The following TSGA10 variants were observed in gnomAD, a reference collection of about 807,000 sequenced individuals.
The protein encoded by TSGA10 is testis-specific gene 10 protein.
In TSGA10, 43 loss-of-function variants were observed where a neutral mutation model predicts 96.6. The observed-to-expected ratio is 0.44, with a 90% CI of 0.35 to 0.57. The LOEUF is 0.57. Ranked by LOEUF, TSGA10 falls within the 20% of genes least tolerant of loss-of-function variation. TSGA10 has a pLI of 0.01. For synonymous variants in TSGA10, 229 were observed against 269.9 expected, an observed-to-expected ratio of 0.85 and a Z score of 1.48; for missense variants, 703 against 834.4, an observed-to-expected ratio of 0.84 and a Z score of 1.94.
At chr2:99,150,839 ATTTGT>A (rs2093686625) in intron 1 of TSGA10, 5 of 1,557,598 alleles carry the variant, frequency 3.2e-6, no homozygotes, top group Non-Finnish European at 4.3e-6. Context: ...GAATGAAGCA[ATTTGT>A]ACGTATTACC....
At chr2:99,108,689 G>T (rs2091557394) in intron 7 of TSGA10, 144 bp downstream of exon 7, 1 of 570,572 alleles carries the variant, frequency 1.8e-6, no homozygotes, top group Non-Finnish European at 2.8e-6. Flanking sequence ...ATTTCATTAA[G>T]AATATCTTAA....
At chr2:99,002,694 T>C (rs186004487) in intron 20 of TSGA10, among the ~76,000 whole-genome samples, 12 of 152,066 alleles carry the variant, frequency 7.9e-5, no homozygotes, top group Admixed American at 3.3e-4. Flanking sequence ...GACTGGCAAA[T>C]TGGATAAAGA....
At chr2:99,056,405 G>T (rs1164911605) in intron 16 of TSGA10, among the ~76,000 whole-genome samples, 1 of 151,990 alleles carries the variant, frequency 6.6e-6, no homozygotes, top group African/African-American at 2.4e-5. Context: ...AAATGAAATA[G>T]ATTATAAAAA....
At chr2:99,074,911 T>C (rs1031205539) in intron 12 of TSGA10, among the ~76,000 whole-genome samples, 1 of 151,986 alleles carries the variant, frequency 6.6e-6, no homozygotes, top group African/African-American at 2.4e-5. Flanking sequence ...TGGGCTGAGA[T>C]TGTGTCACTG....
At chr2:99,011,021 C>A (rs184724604) in intron 20 of TSGA10, among the ~76,000 whole-genome samples, 2 of 152,272 alleles carry the variant, frequency 1.3e-5, no homozygotes, top group Middle Eastern at 3.4e-3. Context: ...GCCCATTGGC[C>A]TGAGAACCAT....
chr2:98,998,721 C>T (rs2077643556), intron 20 of TSGA10, among the ~76,000 whole-genome samples: 1 of 152,004 alleles, frequency 6.6e-6, no homozygotes, highest in South Asian at 2.1e-4. Flanking sequence ...CAAATGAGTG[C>T]ATCTAAAAAC....
chr2:99,095,283 T>C (rs79970779), intron 10 of TSGA10, among the ~76,000 whole-genome samples: 1 of 151,968 alleles, frequency 6.6e-6, no homozygotes, highest in Non-Finnish European at 1.5e-5. Flanking sequence ...TAAAAGACTA[T>C]AAATTGGGTA....
chr2:99,114,418 T>C (rs2092077098), intron 4 of TSGA10, among the ~76,000 whole-genome samples: 1 of 152,216 alleles, frequency 6.6e-6, no homozygotes. Flanking sequence ...TTTCCTCATT[T>C]CAGGGCATTC....
chr2:99,115,988 C>T (rs2092233492), intron 4 of TSGA10, among the ~76,000 whole-genome samples: 1 of 152,176 alleles, frequency 6.6e-6, no homozygotes, highest in African/African-American at 2.4e-5. Flanking sequence ...TAGAGGTCAT[C>T]AATTGGACTC....
intron 20 of TSGA10, among the ~76,000 whole-genome samples, chr2:99,002,243 C>G (rs4428061): frequency 0.011 from 1,637 of 152,072 alleles, 9 homozygotes; most frequent in Middle Eastern, 0.027. Flanking sequence ...AAGAAAGGTC[C>G]GGTTACCCAC....
chr2:99,127,118 T>C lies in TSGA10; in HGVS notation c.-562A>G, dbSNP rs1317224966. 2 of 1,289,460 alleles carry C rather than the reference T, an allele frequency of 1.6e-6. No homozygotes were observed. The highest frequency in any genetic ancestry group is 1.5e-5 in the African/African-American group (1 of 65,856). 79.9% of individuals were successfully genotyped at this position (1,289,460 alleles called of 1,614,324 possible). Reference sequence around the variant, plus strand: ...TTGTTCTAGCTGGAGAGTATTCTGGTAGTTTTCAGCTTCAGAAACTGGAGC... The same window carrying C: ...TTGTTCTAGCTGGAGAGTATTCTGGCAGTTTTCAGCTTCAGAAACTGGAGC... On this transcript the variant is annotated 5_prime_UTR_variant, in exon 2 of 21. Coordinates refer to ENST00000393483, the MANE Select transcript of TSGA10 (RefSeq NM_025244.4).
At chr2:99,090,101 AC>A (rs1158927984) in intron 10 of TSGA10, among the ~76,000 whole-genome samples, 1 of 151,552 alleles carries the variant, frequency 6.6e-6, no homozygotes, top group African/African-American at 2.4e-5. Context: ...CTGTACAAAC[AC>A]CCCCCAGTAC....
intron 17 of TSGA10, among the ~76,000 whole-genome samples, chr2:99,030,952 T>C (rs1360672205): frequency 1.3e-5 from 2 of 151,874 alleles, no homozygotes; most frequent in Admixed American, 1.3e-4. Flanking sequence ...GCAATTCCTA[T>C]CAAAATTCAA....
chr2:99,112,673 G>T (rs942804787), intron 4 of TSGA10, among the ~76,000 whole-genome samples: 1 of 151,790 alleles, frequency 6.6e-6, no homozygotes, highest in Admixed American at 6.6e-5. Context: ...AGAAGGTCTG[G>T]TTGGTTCTAA....
intron 10 of TSGA10, among the ~76,000 whole-genome samples, chr2:99,094,718 C>A (rs538712178): frequency 7.9e-5 from 12 of 152,212 alleles, no homozygotes; most frequent in African/African-American, 2.9e-4. Flanking sequence ...CTTACTCCTG[C>A]AAGAATTGGC....
In TSGA10 at chr2:99,117,766, T is replaced by C; in HGVS notation, c.-355-7A>G. 1.0e-6 allele frequency: 1 copy of C among 982,970 alleles called. No individual in the cohort carries two copies. The highest frequency in any genetic ancestry group is 1.2e-6 in the Non-Finnish European group (1 of 827,348). The allele number at this position is 982,970 out of a possible 1,614,324, so 60.9% of individuals were successfully genotyped here. ...TCTGTTTGAGATCTTCAATCTGTTA[T>C]TATCAGAAAAAAAATCACATTAAAA... On this transcript the variant is annotated splice_region_variant and splice_polypyrimidine_tract_variant and intron_variant, in intron 3 of 20. Transcript: ENST00000393483.
chr2:99,042,822 G>C (rs1157403764), intron 16 of TSGA10, among the ~76,000 whole-genome samples: 3 of 151,770 alleles, frequency 2.0e-5, no homozygotes, highest in Admixed American at 6.6e-5. Flanking sequence ...TCCTGCCTCA[G>C]CCTCTCAAGT....
At chr2:99,104,544 G>A (rs1051539047) in intron 9 of TSGA10, among the ~76,000 whole-genome samples, 9 of 151,152 alleles carry the variant, frequency 6.0e-5, no homozygotes, top group Admixed American at 6.6e-5. Context: ...GCGCGATCTC[G>A]GCTCACTGCA....
At chr2:99,089,760 C>A (rs2089056200) in intron 10 of TSGA10, among the ~76,000 whole-genome samples, 1 of 152,158 alleles carries the variant, frequency 6.6e-6, no homozygotes, top group South Asian at 2.1e-4. Flanking sequence ...GCAAGCCCCA[C>A]CCAAGGAGAA....
Sources: allele counts gnomAD v4.1 joint callset (sites outside exome capture counted in the v4.1 genomes callset), GRCh38; gene constraint gnomAD v4.1.1; transcripts MANE v1.5; gene names NCBI Gene and HGNC (gene_info 2026-07-23, HGNC 2026-07-21).